USP34: variants seen among roughly 807,000 people sequenced by gnomAD.
USP34 encodes ubiquitin specific peptidase 34, also known as ubiquitin carboxyl-terminal hydrolase 34.
Under a neutral mutation model 460.3 loss-of-function variants are expected in USP34, and 70 were observed. The ratio of observed to expected loss-of-function variants is 0.15; its 90% confidence interval spans 0.13 to 0.19. The LOEUF is 0.19. Ranked by LOEUF, USP34 falls within the 10% of genes least tolerant of loss-of-function variation. The probability of loss-of-function intolerance (pLI) is 1.00; values close to 1 mark genes in which losing one functional copy is unlikely to be tolerated. For missense variants in USP34, 3,985 were observed against 4,236.2 expected, an observed-to-expected ratio of 0.94 and a Z score of 1.65; for synonymous variants, 1,647 against 1,405.3, an observed-to-expected ratio of 1.17 and a Z score of -3.85.
Position 61,339,489 on chromosome 2 carries a change from T to G in USP34, c.2617-11A>C. 6.4e-7 allele frequency: 1 copy of G among 1,563,200 alleles called. No individual in the cohort carries two copies. Among genetic ancestry groups the G allele is most frequent in the Non-Finnish European group, 8.6e-7 (1 of 1,157,490 alleles). ...TTCAGAAAGATTAACCTATAAAAAA[T>G]GTATATAAAATTACTATTTATCCTA... is the stretch of plus-strand genomic sequence containing the variant. On this transcript the variant is annotated splice_polypyrimidine_tract_variant and intron_variant, in intron 17 of 79. Coordinates refer to ENST00000398571, the MANE Select transcript of USP34 (RefSeq NM_014709.4).
chr2:61,467,278 G>C (rs1480047544), intron 1 of USP34, among the ~76,000 whole-genome samples: 1 of 151,962 alleles, frequency 6.6e-6, no homozygotes, highest in African/African-American at 2.4e-5. Flanking sequence ...ACTCCAGCCT[G>C]GGTGACACAG....
At chr2:61,420,622 A>G (rs572464774) in intron 2 of USP34, 124 bp downstream of exon 2, 26 of 515,084 alleles carry the variant, frequency 5.0e-5, no homozygotes, top group Middle Eastern at 5.9e-4. Context: ...AAATATTGAC[A>G]AACTGTCATT....
chr2:61,405,769 A>G lies in USP34; in HGVS notation c.491T>C (p.Ile164Thr). 4.4e-6 allele frequency: 7 copies of G among 1,602,292 alleles called. No individual in the cohort carries two copies. Among genetic ancestry groups the G allele is most frequent in the Non-Finnish European group, 5.9e-6 (7 of 1,176,632 alleles). ...ATATAAGGGAAACTGAATTTGAAAA[A>G]TTTTTGCCACACATAGTAAGAGTTT... ...KEKLLLCVAK[I>T]FQIQFPLYTA... The change falls in exon 3 of 80, where the codon ATT becomes ACT. Residue 164 changes from isoleucine (I) to threonine (T), a missense_variant. Ile to Thr is a moderately conservative substitution (Grantham distance 89). This residue lies in a region of USP34 where 331 missense variants were observed against 293.7 expected (regional missense o/e 1.13). Coordinates refer to ENST00000398571, the MANE Select transcript of USP34 (RefSeq NM_014709.4).
chr2:61,452,318 C>CTTTTT (rs35104375), intron 1 of USP34, among the ~76,000 whole-genome samples: 18 of 89,928 alleles, frequency 2.0e-4, no homozygotes, highest in East Asian at 1.3e-3. Context: ...ATTCCCGGCA[C>CTTTTT]TTTTTTTTTT....
intron 1 of USP34, among the ~76,000 whole-genome samples, chr2:61,456,903 C>G (rs1695457024): frequency 6.6e-6 from 1 of 151,874 alleles, no homozygotes; most frequent in Non-Finnish European, 1.5e-5. Context: ...GCTTGGCCCA[C>G]CTGGGACGTT....
chr2:61,400,745 G>C (rs1218239494), intron 3 of USP34, among the ~76,000 whole-genome samples: 4 of 152,048 alleles, frequency 2.6e-5, no homozygotes, highest in Non-Finnish European at 5.9e-5. Context: ...CAGCTACTTA[G>C]GACACTGAAG....
intron 3 of USP34, 41 bp from the exon 4 acceptor site, chr2:61,395,274 T>G: frequency 8.8e-7 from 1 of 1,135,502 alleles, no homozygotes; most frequent in South Asian, 1.4e-5. Context: ...AGGTTACAAC[T>G]ACTAACCTTT....
At chr2:61,293,990 G>T (rs1453079702) in intron 32 of USP34, among the ~76,000 whole-genome samples, 1 of 152,036 alleles carries the variant, frequency 6.6e-6, no homozygotes. Context: ...AATCCAGCCT[G>T]GGTGACAAGG....
chr2:61,192,785 C>A, intron 76 of USP34, 116 bp downstream of exon 76: 1 of 711,792 alleles, frequency 1.4e-6, no homozygotes. Flanking sequence ...TGTTACCTAT[C>A]AAGATTCTAA....
intron 29 of USP34, among the ~76,000 whole-genome samples, chr2:61,298,790 A>AT (rs1317546002): frequency 1.3e-5 from 2 of 151,770 alleles, no homozygotes; most frequent in African/African-American, 2.4e-5. Context: ...AAAAAAAAAA[A>AT]ATCATTTAGG....
At chr2:61,385,946 G>A (rs1261417507) in intron 5 of USP34, among the ~76,000 whole-genome samples, 1 of 143,536 alleles carries the variant, frequency 7.0e-6, no homozygotes, top group Admixed American at 7.2e-5. Context: ...GCAGTAAGCT[G>A]AGATCGTCCC....
At chr2:61,358,181 G>A (rs544932383) in intron 10 of USP34, among the ~76,000 whole-genome samples, 1 of 130,266 alleles carries the variant, frequency 7.7e-6, no homozygotes, top group East Asian at 2.9e-4. Flanking sequence ...AAGACAGAGC[G>A]AGATTCCATC....
At chr2:61,375,593 C>A (rs1692768633) in intron 8 of USP34, among the ~76,000 whole-genome samples, 2 of 151,910 alleles carry the variant, frequency 1.3e-5, no homozygotes. Context: ...CACAGTGAAA[C>A]CCCGTCTCTA....
rs967785967 is a variant in USP34 at position 61,208,883 on chromosome 2, G to A, written c.8919+16C>T. The A allele has an allele frequency of 1.3e-6, 2 of 1,541,430 alleles. No homozygotes were observed. Among genetic ancestry groups the A allele is most frequent in the African/African-American group, 2.8e-5 (2 of 72,642 alleles). ...AATGAGATAATATCCACAGTAAAAT[G>A]CAATAGAATATTTACCTCTGTCATT... is the stretch of plus-strand genomic sequence containing the variant. On this transcript the variant is annotated intron_variant, in intron 70 of 79. Coordinates refer to ENST00000398571, the MANE Select transcript of USP34 (RefSeq NM_014709.4).
intron 1 of USP34, among the ~76,000 whole-genome samples, chr2:61,446,321 C>T (rs1259356238): frequency 1.3e-5 from 2 of 151,976 alleles, no homozygotes; most frequent in African/African-American, 4.8e-5. Context: ...CATATACTGT[C>T]CTGATTGAAG....
At position 61,187,668 on chromosome 2, in the gene USP34, C is replaced by T. The variant is rs995519038; in HGVS notation, c.*434G>A. 8 of 559,556 alleles carry T rather than the reference C, an allele frequency of 1.4e-5. No homozygotes were observed. The highest frequency in any genetic ancestry group is 1.5e-4 in the South Asian group (2 of 12,984). The allele number at this position is 559,556 out of a possible 1,614,324, so 34.7% of individuals were successfully genotyped here. A position where few individuals can be genotyped will look rare whatever the true frequency, so the allele number is the denominator to read the frequency against. On this transcript the variant is annotated 3_prime_UTR_variant, in exon 80 of 80. Transcript: ENST00000398571. ...AGAATCAAATTTCTTGTGGTTGTTC[C>T]GTATACAAGTAAACTTAATTTTGAT...
intron 75 of USP34, chr2:61,194,003 T>TA (rs1034610950): frequency 3.3e-4 from 179 of 547,930 alleles, no homozygotes; most frequent in Middle Eastern, 9.6e-4. Context: ...TATTCTATAT[T>TA]AAAAAAAAAT....
chr2:61,409,184 C>T (rs1013497745), intron 2 of USP34, among the ~76,000 whole-genome samples: 1 of 152,096 alleles, frequency 6.6e-6, no homozygotes, highest in African/African-American at 2.4e-5. Context: ...TGCACCACTG[C>T]ACTCTAGCCT....
At chr2:61,461,622 T>C (rs1484437983) in intron 1 of USP34, among the ~76,000 whole-genome samples, 1 of 152,122 alleles carries the variant, frequency 6.6e-6, no homozygotes, top group Non-Finnish European at 1.5e-5. Context: ...CCTGAGTAGC[T>C]GGGAATACTA....
Sources: allele counts gnomAD v4.1 joint callset (sites outside exome capture counted in the v4.1 genomes callset), GRCh38; gene constraint gnomAD v4.1.1; regional missense constraint gnomAD v4.1.1; transcripts MANE v1.5; gene names NCBI Gene and HGNC (gene_info 2026-07-23, HGNC 2026-07-21).